Variants in DNMT1 observed in about 807,000 individuals in gnomAD.
DNMT1 encodes the protein DNA (cytosine-5)-methyltransferase 1.
Under a neutral mutation model 205.3 loss-of-function variants are expected in DNMT1, and 24 were observed. The ratio of observed to expected loss-of-function variants is 0.12; its 90% confidence interval spans 0.08 to 0.16. The LOEUF (loss-of-function observed/expected upper bound fraction) is 0.16. Ranked by LOEUF, DNMT1 falls within the 10% of genes least tolerant of loss-of-function variation. The pLI, the probability that DNMT1 is intolerant of heterozygous loss-of-function variation, is 1.00. For synonymous variants in DNMT1, 817 were observed against 839.8 expected (o/e 0.97, Z 0.47); for missense variants, 1,293 against 2,177.7 (o/e 0.59, Z 8.09).
chr19:10,167,012 G>C (rs1323802983), intron 10 of DNMT1, among the ~76,000 whole-genome samples: 2 of 152,282 alleles, frequency 1.3e-5, no homozygotes, highest in South Asian at 2.1e-4. Flanking sequence ...TGCCTAGGTT[G>C]AGAGCTGGGC....
At position 10,180,457 on chromosome 19, in the gene DNMT1, G is replaced by C. The variant is rs762241565; in HGVS notation, c.338C>G (p.Ala113Gly). 7 of 1,614,110 alleles carry C rather than the reference G, an allele frequency of 4.3e-6. No individual in the cohort carries two copies. Among genetic ancestry groups the C allele is most frequent in the East Asian group, 4.5e-5 (2 of 44,888 alleles). Reference sequence around the variant, plus strand: ...TCCCACTCTACGGGCTTCACTTCTTGCTTGGTTCCCGTTTTCTAGACGTCC... The same window carrying C: ...TCCCACTCTACGGGCTTCACTTCTTCCTTGGTTCCCGTTTTCTAGACGTCC... ...VNGRLENGNQ[A>G]RSEARRVGMA... Residue 113 changes from alanine to glycine, a missense_variant, in exon 4 of 41, where the codon GCA becomes GGA. Ala to Gly is a moderately conservative substitution (Grantham distance 60). Around this residue, in one of 13 missense-constraint regions of DNMT1, gnomAD observed 394 missense variants for 451.6 expected, o/e 0.87. Transcript: ENST00000359526.
At chr19:10,161,828 A>G (rs1384140359) in intron 13 of DNMT1, among the ~76,000 whole-genome samples, 2 of 151,954 alleles carry the variant, frequency 1.3e-5, no homozygotes, top group Non-Finnish European at 2.9e-5. Flanking sequence ...ATCCAATAAG[A>G]CCAATGTCCT....
At chr19:10,162,333 G>T (rs1265594033) in intron 13 of DNMT1, among the ~76,000 whole-genome samples, 1 of 149,704 alleles carries the variant, frequency 6.7e-6, no homozygotes, top group African/African-American at 2.5e-5. Context: ...CCTGGAGTGC[G>T]ATCTCGGCTC....
In DNMT1 at chr19:10,173,350, T is replaced by C. The variant is rs533979568; in HGVS notation, c.684-176A>G. ...ATATGACTTTTACACCTGGTTCGAA[T>C]GCCAGCTGCCCTCGATTCATTCCTT... On this transcript the variant is annotated intron_variant, in intron 8 of 40. Transcript: ENST00000359526. Among the ~76,000 whole-genome samples the C allele has an allele frequency of 1.2e-4, 18 of 152,304 alleles. No individual in the cohort carries two copies. In the South Asian group the frequency reaches 3.5e-3, roughly 30 times the overall value.
chr19:10,159,655 T>G lies in DNMT1; in HGVS notation c.1280+3A>C. 6.2e-7 allele frequency: 1 copy of G among 1,614,124 alleles called. No homozygotes were observed. The highest frequency in any genetic ancestry group is 8.5e-7 in the Non-Finnish European group (1 of 1,179,980). On this transcript the variant is annotated splice_donor_region_variant and intron_variant, in intron 17 of 40. Transcript: ENST00000359526. The surrounding 1 kb of genome is among the most constrained non-coding windows in gnomAD (Gnocchi z 5.0). The stretch of plus-strand genomic sequence containing the variant: ...GCAAACATGCACACGAAAGTGCACT[T>G]ACCTGAAGCAGGTCAGTTTGTGCTG...
chr19:10,149,804 C>T (rs766897763), intron 25 of DNMT1, 49 bp downstream of exon 25: 1 of 1,609,984 alleles, frequency 6.2e-7, no homozygotes, highest in South Asian at 1.1e-5. Context: ...GCATCTCCTA[C>T]TTGATGAGAA....
chr19:10,161,113 T>C (rs890445340), intron 13 of DNMT1, among the ~76,000 whole-genome samples: 2 of 152,068 alleles, frequency 1.3e-5, no homozygotes, highest in African/African-American at 2.4e-5. Flanking sequence ...GAGACCATCC[T>C]CGCCAAGATG....
intron 9 of DNMT1, among the ~76,000 whole-genome samples, chr19:10,169,877 G>A (rs1263226602): frequency 6.6e-6 from 1 of 152,224 alleles, no homozygotes; most frequent in Non-Finnish European, 1.5e-5. Flanking sequence ...TCTTTGGAAG[G>A]TGGTGGTTGA....
At chr19:10,193,143 C>T (rs1326480525) in intron 1 of DNMT1, among the ~76,000 whole-genome samples, 2 of 152,114 alleles carry the variant, frequency 1.3e-5, no homozygotes. Context: ...TGCTTGAGGG[C>T]AGGGGTTTAA....
rs1203183469 is a variant in DNMT1, at chr19:10,134,268, C to A, written c.4813G>T (p.Gly1605Cys). The change falls in exon 40 of 41, where the codon GGC (glycine) becomes TGC (cysteine). Residue 1605 changes from glycine to cysteine, a missense_variant. Gly to Cys is a radical substitution (Grantham distance 159). Transcript: ENST00000359526. ...AVPPPLAKAI[G>C]LEIKLCMLAK... ...AACATACAAAGCTTGATCTCCAAGC[C>A]AATGGCTTTGGCCAGGGGCGGTGGC... is the stretch of plus-strand genomic sequence containing the variant. 6.2e-7 allele frequency: 1 copy of A among 1,614,180 alleles called. No individual in the cohort carries two copies. Among genetic ancestry groups the A allele is most frequent in the Admixed American group, 1.7e-5 (1 of 60,030 alleles).
intron 6 of DNMT1, 93 bp downstream of exon 6, chr19:10,177,199 C>T (rs541959872): frequency 1.1e-5 from 13 of 1,156,256 alleles, no homozygotes; most frequent in Middle Eastern, 2.6e-4. Flanking sequence ...CTATACAACA[C>T]GGAAGACAGA....
At position 10,140,670 on chromosome 19, in the gene DNMT1, G is replaced by A. The variant is rs568663053; in HGVS notation, c.3523+111C>T. On this transcript the variant is annotated intron_variant, in intron 32 of 40. Transcript: ENST00000359526. The surrounding 1 kb of genome is among the most constrained non-coding windows in gnomAD (Gnocchi z 8.4). ...GGCGTGCGCCACCGTGCCTGGCCTC[G>A]GAAGGAGATTCTTGAGTCAGGAAGG... The A allele has an allele frequency of 2.9e-5, 46 of 1,588,854 alleles. No homozygotes were observed. The highest frequency in any genetic ancestry group is 1.5e-4 in the African/African-American group (11 of 74,504).
rs376878857 is a variant in DNMT1, at chr19:10,159,788, G to A, written c.1171-21C>T. 23 of 1,614,084 alleles carry A rather than the reference G, an allele frequency of 1.4e-5. No homozygotes were observed. In the African/African-American group the frequency reaches 2.5e-4, roughly 18 times the overall value. ...TCCACCTGAAGGACACGGGGCTGGT[G>A]AGCAGTGGGACAAGGGACAGGCAGA... On this transcript the variant is annotated intron_variant, in intron 16 of 40. Coordinates refer to ENST00000359526, the MANE Select transcript of DNMT1 (RefSeq NM_001130823.3). This position sits in a 1 kb window ranked among gnomAD's most constrained non-coding sequence, Gnocchi z 5.0.
chr19:10,163,403 A>C (rs202094195), intron 11 of DNMT1, 43 bp from the exon 12 acceptor site: 1 of 1,602,750 alleles, frequency 6.2e-7, no homozygotes, highest in Non-Finnish European at 8.5e-7. Flanking sequence ...AAAGAAGGGA[A>C]AAAATTAGTT....
At chr19:10,155,642 C>T (rs1040964295) in intron 19 of DNMT1, among the ~76,000 whole-genome samples, 3 of 151,984 alleles carry the variant, frequency 2.0e-5, no homozygotes, top group Admixed American at 6.6e-5. Flanking sequence ...CATATCCGGC[C>T]AAGACCTGCT....
rs1347089221 is a variant in DNMT1 at position 10,138,632 on chromosome 19, C to T, written c.3949-27G>A. On this transcript the variant is annotated intron_variant, in intron 34 of 40. Transcript: ENST00000359526. This position sits in a 1 kb window ranked among gnomAD's most constrained non-coding sequence, Gnocchi z 4.1. ...TGTGGGGGAGAAGGACGGACAACCC[C>T]ACCGTCAGTGGGACACTCCCAACTG... The T allele has an allele frequency of 6.3e-7, 1 of 1,594,804 alleles. No individual in the cohort carries two copies. Among genetic ancestry groups the T allele is most frequent in the East Asian group, 2.2e-5 (1 of 44,686 alleles).
rs917884924 is a variant in DNMT1 at position 10,137,506 on chromosome 19, G to A, written c.4294-226C>T. On this transcript the variant is annotated intron_variant, in intron 36 of 40. Transcript: ENST00000359526. This position sits in a 1 kb window ranked among gnomAD's most constrained non-coding sequence, Gnocchi z 6.4. Reference sequence around the variant, plus strand: ...GGAATCTAAGCTGAGCCTTTAGGGTGGGGGAAGGGGAGTGGTGCCAGGGGA... The same window carrying A: ...GGAATCTAAGCTGAGCCTTTAGGGTAGGGGAAGGGGAGTGGTGCCAGGGGA... 1 of 647,310 alleles carries A rather than the reference G, an allele frequency of 1.5e-6. No homozygotes were observed. The highest frequency in any genetic ancestry group is 2.7e-6 in the Non-Finnish European group (1 of 376,558). 40.1% of individuals were successfully genotyped at this position (647,310 alleles called of 1,614,324 possible).
Position 10,176,110 on chromosome 19 carries a change from G to A in DNMT1, c.570-492C>T, listed in dbSNP as rs552603112. 2.0e-5 allele frequency among the ~76,000 whole-genome samples: 3 copies of A among 151,898 alleles called. No homozygotes were observed. In the East Asian group the frequency reaches 5.8e-4, roughly 29 times the overall value. ...TTGAACCTGGGAGGTGGAGGTTGCA[G>A]TGAGCCGAAATCATGCCACTGCACT... On this transcript the variant is annotated intron_variant, in intron 6 of 40. Transcript: ENST00000359526.
intron 1 of DNMT1, 95 bp downstream of exon 1, chr19:10,194,725 T>G (rs2039371019): frequency 6.8e-7 from 1 of 1,466,506 alleles, no homozygotes; most frequent in Admixed American, 2.4e-5. Flanking sequence ...CGCCCGTCTG[T>G]CAGCAGCGGC....
Sources: gnomAD v4.1 joint callset for allele counts (sites outside exome capture counted in the v4.1 genomes callset) on GRCh38, gnomAD v4.1.1 for gene constraint, gnomAD v4.1.1 regional missense constraint, Gnocchi (gnomAD v3.1) non-coding constraint, MANE v1.5 for transcripts, NCBI Gene and HGNC (gene_info 2026-07-23, HGNC 2026-07-21) for gene names.